NREP: variants seen among roughly 807,000 people sequenced by gnomAD.
NREP encodes the protein neuronal regeneration-related protein.
NREP carries 5 observed loss-of-function variants against 8.6 expected under a neutral mutation model. The ratio of observed to expected loss-of-function variants is 0.58; its 90% CI spans 0.30 to 1.22. NREP has a LOEUF of 1.22. Among genes scored for constraint, NREP ranks in the 50% most tolerant of loss-of-function variants. The pLI is 0.07. For synonymous variants in NREP, 27 were observed against 28.0 expected (o/e 0.96, Z 0.11); for missense variants, 86 against 82.5 (o/e 1.04, Z -0.17).
At chr5:111,795,850 A>C (rs552942220) in intron 2 of NREP, among the ~76,000 whole-genome samples, 1 of 152,358 alleles carries the variant, frequency 6.6e-6, no homozygotes, top group East Asian at 1.9e-4. Flanking sequence ...ATACTCAAGC[A>C]TAGCTGAGCA....
chr5:111,942,767 T>C (rs1343154891), intron 2 of NREP, among the ~76,000 whole-genome samples: 1 of 152,012 alleles, frequency 6.6e-6, no homozygotes, highest in Non-Finnish European at 1.5e-5. Flanking sequence ...ATAAAAGAGA[T>C]TAAGAACATG....
intron 1 of NREP, chr5:111,756,320 C>CCGG: frequency 2.6e-4 from 8 of 30,650 alleles, no homozygotes; most frequent in Non-Finnish European, 4.7e-4. Context: ...AAACCCTACA[C>CCGG]GGCGGGGGGG....
intron 2 of NREP, among the ~76,000 whole-genome samples, chr5:111,947,092 T>A (rs1025571887): frequency 6.6e-6 from 1 of 152,048 alleles, no homozygotes; most frequent in African/African-American, 2.4e-5. Flanking sequence ...TTAACAAAAA[T>A]AACTTTGACA....
chr5:111,889,386 AC>A (rs1175540040), intron 2 of NREP, among the ~76,000 whole-genome samples: 1 of 152,098 alleles, frequency 6.6e-6, no homozygotes, highest in East Asian at 1.9e-4. Context: ...TGAGGTATAT[AC>A]CCCCATGATC....
In NREP at chr5:111,847,297, C is replaced by T. The variant is rs534662732; in HGVS notation, c.136-111790G>A. Reference sequence around the variant, plus strand: ...CTGTTATATCCTTTCATGGCCTTTCCTTAGTGCATGCACAGAGAGAAAGAT... The same window carrying T: ...CTGTTATATCCTTTCATGGCCTTTCTTTAGTGCATGCACAGAGAGAAAGAT... On this transcript the variant is annotated intron_variant, in intron 2 of 3. Transcript: ENST00000395634. 1.5e-4 allele frequency among the ~76,000 whole-genome samples: 23 copies of T among 152,144 alleles called. No homozygotes were observed. In the East Asian group the frequency reaches 4.4e-3, roughly 29 times the overall value.
intron 2 of NREP, among the ~76,000 whole-genome samples, chr5:111,873,562 G>C (rs1333510480): frequency 2.0e-5 from 3 of 152,116 alleles, no homozygotes; most frequent in Non-Finnish European, 4.4e-5. Flanking sequence ...GCATTCCTTG[G>C]CTCCTGGCCC....
intron 2 of NREP, among the ~76,000 whole-genome samples, chr5:111,774,401 C>T (rs1561661278): frequency 6.6e-6 from 1 of 152,124 alleles, no homozygotes; most frequent in East Asian, 1.9e-4. Flanking sequence ...GTAAAAGAGA[C>T]TTTGCTAATA....
chr5:111,801,922 G>A lies in NREP; in HGVS notation c.136-66415C>T, dbSNP rs140773240. Among the ~76,000 whole-genome samples, 408 of 152,110 alleles carry A rather than the reference G, an allele frequency of 2.7e-3. 1 individual carries two copies. Among genetic ancestry groups the A allele is most frequent in the African/African-American group, 9.6e-3 (397 of 41,502 alleles). On this transcript the variant is annotated intron_variant, in intron 2 of 3. Coordinates refer to the NREP transcript ENST00000395634. The stretch of plus-strand genomic sequence containing the variant: ...CATTTTCTCCTGCTTTTTGAACAAG[G>A]GGCCACACATTTTTGCTGTGCATGG...
chr5:111,903,029 T>G (rs1004316637), intron 2 of NREP, among the ~76,000 whole-genome samples: 3 of 151,906 alleles, frequency 2.0e-5, no homozygotes, highest in Admixed American at 1.3e-4. Flanking sequence ...GAAGTTTATA[T>G]TTTATATTTT....
At chr5:111,892,630 C>CA (rs56208998) in intron 2 of NREP, among the ~76,000 whole-genome samples, 1 of 151,364 alleles carries the variant, frequency 6.6e-6, no homozygotes, top group South Asian at 2.1e-4. Context: ...ACCCAAAAAA[C>CA]AAAAAAAGGG....
At chr5:111,824,766 C>T (rs1297387153) in intron 2 of NREP, among the ~76,000 whole-genome samples, 1 of 152,102 alleles carries the variant, frequency 6.6e-6, no homozygotes, top group Non-Finnish European at 1.5e-5. Flanking sequence ...ATTTTTGTAT[C>T]TATTATTTAT....
At position 111,819,331 on chromosome 5, in the gene NREP, C is replaced by T. The variant is rs944305636; in HGVS notation, c.136-83824G>A. Among the ~76,000 whole-genome samples, 13 of 152,122 alleles carry T rather than the reference C, an allele frequency of 8.5e-5. No individual in the cohort carries two copies. The South Asian group carries it at 1.7e-3, about 19-fold the overall frequency. ...AATAGCTAAACGGAATTAGCATAGA[C>T]TGTGTGGTCCAACCCTAGCCAATAG... On this transcript the variant is annotated intron_variant, in intron 2 of 3. Transcript: ENST00000395634.
intron 2 of NREP, among the ~76,000 whole-genome samples, chr5:111,895,769 T>G (rs1296290313): frequency 6.6e-6 from 1 of 152,126 alleles, no homozygotes; most frequent in African/African-American, 2.4e-5. Context: ...GTCCCAGTCA[T>G]GACAACAAAA....
chr5:111,780,716 G>T (rs1227047228), intron 2 of NREP, among the ~76,000 whole-genome samples: 1 of 152,112 alleles, frequency 6.6e-6, no homozygotes, highest in Admixed American at 6.6e-5. Flanking sequence ...GAAAAAGCAG[G>T]AGCTAATAGT....
At chr5:111,760,712 T>C (rs113414747), upstream of NREP, among the ~76,000 whole-genome samples, 20 of 152,188 alleles carry the variant, frequency 1.3e-4, 1 homozygote, top group African/African-American at 4.3e-4. Context: ...GGGCAGATCA[T>C]GAGCTAAGAA....
chr5:111,781,531 T>C (rs890404248), intron 2 of NREP, among the ~76,000 whole-genome samples: 1 of 152,210 alleles, frequency 6.6e-6, no homozygotes, highest in African/African-American at 2.4e-5. Flanking sequence ...CCATCTCTAC[T>C]GTATCCTGAC....
At chr5:111,921,594 G>C (rs924475534) in intron 2 of NREP, among the ~76,000 whole-genome samples, 7 of 152,150 alleles carry the variant, frequency 4.6e-5, no homozygotes, top group Non-Finnish European at 4.4e-5. Context: ...TAGTATCAAT[G>C]GTTCGGGCAA....
intron 2 of NREP, among the ~76,000 whole-genome samples, chr5:111,745,568 C>T (rs2112826093): frequency 6.6e-6 from 1 of 152,240 alleles, no homozygotes; most frequent in South Asian, 2.1e-4. Flanking sequence ...AGATGGCTAC[C>T]AATGGACAAT....
chr5:111,733,717 C>G (rs1463316266), intron 3 of NREP: 1 of 152,128 alleles, frequency 6.6e-6, no homozygotes, highest in East Asian at 1.9e-4. Flanking sequence ...GCCAACAGAG[C>G]TGAGGGACTT....
Sources: gnomAD v4.1 joint callset for allele counts (sites outside exome capture counted in the v4.1 genomes callset) on GRCh38, gnomAD v4.1.1 for gene constraint, MANE v1.5 for transcripts, NCBI Gene and HGNC (gene_info 2026-07-23, HGNC 2026-07-21) for gene names.